SLX4IP: variants seen among roughly 807,000 people sequenced by gnomAD.
SLX4IP encodes SLX4 interacting protein, also known as protein SLX4IP.
A neutral mutation model predicts 32.9 loss-of-function variants in SLX4IP; 34 were observed. The observed-to-expected ratio is 1.03, with a 90% confidence interval of 0.79 to 1.38. The LOEUF is 1.38. Among genes scored for constraint, SLX4IP ranks in the 40% most tolerant of loss-of-function variants. The pLI is 0.00. For missense variants in SLX4IP, 444 were observed against 479.0 expected, an observed-to-expected ratio of 0.93 and a Z score of 0.68; for synonymous variants, 172 against 171.7, an observed-to-expected ratio of 1.00 and a Z score of -0.01.
chr20:10,550,313 A>G lies in SLX4IP; in HGVS notation c.28-5918A>G, dbSNP rs148029969. ...AATGCCAGGTAGGTGTAAAATGCCA[A>G]TGACGATTTGTGTGGCTTCTCAGCG... On this transcript the variant is annotated intron_variant, in intron 2 of 7. Coordinates refer to ENST00000334534, the MANE Select transcript of SLX4IP (RefSeq NM_001009608.3). Among the ~76,000 whole-genome samples, 84 of 152,280 alleles carry G rather than the reference A, an allele frequency of 5.5e-4. No individual in the cohort carries two copies. The Middle Eastern group carries it at 0.014, about 25-fold the overall frequency.
intron 4 of SLX4IP, among the ~76,000 whole-genome samples, chr20:10,570,643 C>T (rs1235314434): frequency 1.3e-5 from 2 of 152,058 alleles, no homozygotes; most frequent in Non-Finnish European, 2.9e-5. Flanking sequence ...ATTCTCCTGC[C>T]TCAGCCTCCT....
intron 1 of SLX4IP, among the ~76,000 whole-genome samples, chr20:10,450,540 C>G (rs964044920): frequency 5.3e-5 from 8 of 152,122 alleles, no homozygotes; most frequent in African/African-American, 1.9e-4. Flanking sequence ...TTTTCTAAGT[C>G]ATGTGCATTA....
At chr20:10,486,727 C>A (rs1568704503) in intron 2 of SLX4IP, among the ~76,000 whole-genome samples, 1 of 152,126 alleles carries the variant, frequency 6.6e-6, no homozygotes. Context: ...AGCCCAATGT[C>A]CCTGTTTACA....
chr20:10,605,484 G>A (rs1392189191), intron 6 of SLX4IP, among the ~76,000 whole-genome samples: 2 of 152,142 alleles, frequency 1.3e-5, no homozygotes, highest in Non-Finnish European at 1.5e-5. Context: ...CTCTGCACCT[G>A]TATCTTTAAG....
chr20:10,571,211 G>A (rs934552339), intron 4 of SLX4IP, among the ~76,000 whole-genome samples: 4 of 152,106 alleles, frequency 2.6e-5, no homozygotes, highest in Admixed American at 6.5e-5. Flanking sequence ...TCCCAGGTTC[G>A]GGCACCGAGC....
chr20:10,530,136 T>A (rs1006562017), intron 2 of SLX4IP, among the ~76,000 whole-genome samples: 21 of 152,292 alleles, frequency 1.4e-4, no homozygotes, highest in Middle Eastern at 6.8e-3. Context: ...TGGGAAACAA[T>A]CGTGTAAGAA....
At chr20:10,556,180 T>G (rs768025996) in intron 2 of SLX4IP, 51 bp from the exon 3 acceptor site, 4 of 1,528,274 alleles carry the variant, frequency 2.6e-6, no homozygotes, top group Non-Finnish European at 3.6e-6. Flanking sequence ...CTCTCATTGT[T>G]TGCTGGGCAT....
chr20:10,441,329 G>A (rs192533292), intron 1 of SLX4IP, among the ~76,000 whole-genome samples: 8 of 152,194 alleles, frequency 5.3e-5, no homozygotes, highest in African/African-American at 1.7e-4. Context: ...CCAGCTACTC[G>A]GAAGGCTGAG....
At chr20:10,491,048 G>A (rs541436121) in intron 2 of SLX4IP, among the ~76,000 whole-genome samples, 9 of 149,502 alleles carry the variant, frequency 6.0e-5, no homozygotes, top group Admixed American at 1.4e-4. Flanking sequence ...GTTTTGTCAC[G>A]TTGCTGTCAG....
intron 2 of SLX4IP, among the ~76,000 whole-genome samples, chr20:10,478,964 C>T (rs1038050566): frequency 3.7e-4 from 57 of 152,282 alleles, no homozygotes; most frequent in African/African-American, 1.3e-3. Flanking sequence ...GAGAAAAAGG[C>T]GTATTACCTC....
chr20:10,619,550 A>G (rs1280479702), intron 6 of SLX4IP, among the ~76,000 whole-genome samples: 3 of 152,198 alleles, frequency 2.0e-5, no homozygotes, highest in African/African-American at 7.2e-5. Flanking sequence ...GTTGTTATTT[A>G]TGACCCTGTC....
intron 2 of SLX4IP, among the ~76,000 whole-genome samples, chr20:10,498,550 C>T (rs1600932292): frequency 6.6e-6 from 1 of 152,288 alleles, no homozygotes; most frequent in Middle Eastern, 3.4e-3. Flanking sequence ...AGTGTCTTAA[C>T]ACTGTAATAT....
intron 1 of SLX4IP, among the ~76,000 whole-genome samples, chr20:10,449,296 A>T (rs560444254): frequency 6.6e-6 from 1 of 152,234 alleles, no homozygotes; most frequent in Non-Finnish European, 1.5e-5. Context: ...GCATAGTGAT[A>T]AATTAATTCA....
intron 2 of SLX4IP, among the ~76,000 whole-genome samples, chr20:10,530,480 A>G (rs2065979128): frequency 6.6e-6 from 1 of 152,206 alleles, no homozygotes; most frequent in Non-Finnish European, 1.5e-5. Flanking sequence ...ACCAGTGGTT[A>G]ACGATGTCCC....
At chr20:10,570,717 C>A (rs2066453281) in intron 4 of SLX4IP, among the ~76,000 whole-genome samples, 1 of 152,036 alleles carries the variant, frequency 6.6e-6, no homozygotes, top group East Asian at 2.0e-4. Flanking sequence ...TTAGTAGAGA[C>A]AGGTTTTCGC....
chr20:10,467,815 T>A (rs916565917), intron 2 of SLX4IP, among the ~76,000 whole-genome samples: 1 of 152,180 alleles, frequency 6.6e-6, no homozygotes, highest in African/African-American at 2.4e-5. Context: ...CTGCTCTGAG[T>A]GTTGATGACT....
intron 6 of SLX4IP, among the ~76,000 whole-genome samples, chr20:10,617,861 G>A (rs562505763): frequency 6.6e-5 from 10 of 151,792 alleles, no homozygotes; most frequent in African/African-American, 2.4e-4. Context: ...GGCTGGTCTC[G>A]AACTCCTGAG....
At chr20:10,469,796 G>A (rs530910135) in intron 2 of SLX4IP, among the ~76,000 whole-genome samples, 17 of 152,254 alleles carry the variant, frequency 1.1e-4, no homozygotes, top group East Asian at 3.9e-4. Flanking sequence ...TCGTGCCCAC[G>A]TTACTATGAC....
At chr20:10,560,957 T>C (rs1316172687) in intron 4 of SLX4IP, 137 bp downstream of exon 4, 13 of 905,346 alleles carry the variant, frequency 1.4e-5, no homozygotes, top group African/African-American at 1.7e-5. Flanking sequence ...GAAGATACTT[T>C]GTTTGGGTAA....
Sources: gnomAD v4.1 joint callset for allele counts (sites outside exome capture counted in the v4.1 genomes callset) on GRCh38, gnomAD v4.1.1 for gene constraint, MANE v1.5 for transcripts, NCBI Gene and HGNC (gene_info 2026-07-23, HGNC 2026-07-21) for gene names.